ERAP2: variants seen among roughly 807,000 people sequenced by gnomAD.
The protein encoded by ERAP2 is endoplasmic reticulum aminopeptidase 2.
Under a neutral mutation model 111.1 loss-of-function variants are expected in ERAP2, and 118 were observed. The ratio of observed to expected loss-of-function variants is 1.06; its 90% CI spans 0.92 to 1.24. The LOEUF (loss-of-function observed/expected upper bound fraction) is 1.24. Ranked by LOEUF, ERAP2 falls within the 50% of genes most tolerant of loss-of-function variation. ERAP2 has a pLI of 0.00. For missense variants in ERAP2, 1,131 were observed against 1,125.8 expected, an observed-to-expected ratio of 1.00 and a Z score of -0.07; for synonymous variants, 410 against 401.2, an observed-to-expected ratio of 1.02 and a Z score of -0.26.
rs1356278910 is a variant in ERAP2 at position 96,886,655 on chromosome 5, G to A, written c.715G>A (p.Val239Ile). 3 of 1,512,130 alleles carry A rather than the reference G, an allele frequency of 2.0e-6. No individual in the cohort carries two copies. Among genetic ancestry groups the A allele is most frequent in the Admixed American group, 1.8e-5 (1 of 56,082 alleles). The allele number at this position is 1,512,130 out of a possible 1,614,324, so 93.7% of individuals were successfully genotyped here. A position where few individuals can be genotyped will look rare whatever the true frequency, so the allele number is the denominator to read the frequency against. ...RHIALSNMPK[V>I]KTIELEGGLL... ...TGATTATTCCTTTTCCTTTCTGTAGGTTAAGACAATTGAACTTGAAGGAGG... is the reference window on the plus strand; with the variant it reads ...TGATTATTCCTTTTCCTTTCTGTAGATTAAGACAATTGAACTTGAAGGAGG... The change falls in exon 4 of 19, where the codon GTT becomes ATT. Residue 239 changes from valine (V) to isoleucine (I), a missense_variant and splice_region_variant. Around this residue, in one of 3 missense-constraint regions of ERAP2, gnomAD observed 847 missense variants for 856.5 expected, o/e 0.99. Transcript: ENST00000437043.
At chr5:96,900,407 C>T (rs935066316) in intron 10 of ERAP2, among the ~76,000 whole-genome samples, 1 of 152,158 alleles carries the variant, frequency 6.6e-6, no homozygotes, top group Non-Finnish European at 1.5e-5. Flanking sequence ...GTTCGGCTTT[C>T]CCACAACCCC....
Position 96,892,207 on chromosome 5 carries a change from C to G in ERAP2, c.971-92C>G, listed in dbSNP as rs1434866320. 9 of 1,317,974 alleles carry G rather than the reference C, an allele frequency of 6.8e-6. No individual in the cohort carries two copies. In the East Asian group the frequency reaches 1.9e-4, roughly 27 times the overall value. The allele number at this position is 1,317,974 out of a possible 1,614,324, so 81.6% of individuals were successfully genotyped here. A position where few individuals can be genotyped will look rare whatever the true frequency, so the allele number is the denominator to read the frequency against. ...TTTTCAAAAAGTCTGCTTAAATATGCTTAAAGGATCATAGTGTATTTGAGC... is the reference window on the plus strand; with the variant it reads ...TTTTCAAAAAGTCTGCTTAAATATGGTTAAAGGATCATAGTGTATTTGAGC... On this transcript the variant is annotated intron_variant, in intron 5 of 18. Transcript: ENST00000437043.
Position 96,900,081 on chromosome 5 carries a change from G to C in ERAP2, c.1504-40G>C, listed in dbSNP as rs113971353. The C allele has an allele frequency of 2.5e-5, 40 of 1,612,206 alleles. No homozygotes were observed. In the African/African-American group the frequency reaches 5.3e-4, roughly 22 times the overall value. On this transcript the variant is annotated intron_variant, in intron 9 of 18. Coordinates refer to ENST00000437043, the MANE Select transcript of ERAP2 (RefSeq NM_022350.5). Reference sequence around the variant, plus strand: ...TAATGTGCACGTTCAGCCAACTAATGATGCCTACATTGCAGTGCTCTTTTG... The same window carrying C: ...TAATGTGCACGTTCAGCCAACTAATCATGCCTACATTGCAGTGCTCTTTTG...
chr5:96,876,971 T>C (rs1180462720), intron 1 of ERAP2, among the ~76,000 whole-genome samples: 1 of 151,954 alleles, frequency 6.6e-6, no homozygotes, highest in Non-Finnish European at 1.5e-5. Context: ...TTAATTTATG[T>C]ATTTATTTAT....
intron 13 of ERAP2, among the ~76,000 whole-genome samples, 189 bp from the exon 14 acceptor site, chr5:96,908,772 T>C (rs576010580): frequency 6.6e-6 from 1 of 152,278 alleles, no homozygotes; most frequent in African/African-American, 2.4e-5. Flanking sequence ...AGGCAATAGG[T>C]CCAGAGAGGT....
At chr5:96,907,603 C>T (rs906974375) in intron 13 of ERAP2, among the ~76,000 whole-genome samples, 2 of 150,914 alleles carry the variant, frequency 1.3e-5, no homozygotes, top group East Asian at 1.9e-4. Context: ...GCAGACTAGC[C>T]GGGCCAGGTG....
chr5:96,888,606 G>A (rs553972539), intron 4 of ERAP2, among the ~76,000 whole-genome samples: 2 of 152,290 alleles, frequency 1.3e-5, no homozygotes, highest in African/African-American at 2.4e-5. Context: ...ATAAAAGTGG[G>A]TCATGAAATA....
chr5:96,909,770 T>G lies in ERAP2; in HGVS notation c.2354+6T>G. 6.2e-7 allele frequency: 1 copy of G among 1,613,350 alleles called. No homozygotes were observed. Among genetic ancestry groups the G allele is most frequent in the Non-Finnish European group, 8.5e-7 (1 of 1,179,402 alleles). ...GAATCCAGTGGAAAATTAAAGTAGATGTAGACTTCTGTCCTACCCTTTGTT... is the reference window on the plus strand; with the variant it reads ...GAATCCAGTGGAAAATTAAAGTAGAGGTAGACTTCTGTCCTACCCTTTGTT... On this transcript the variant is annotated splice_donor_region_variant and intron_variant, in intron 15 of 18. Transcript: ENST00000437043.
intron 9 of ERAP2, among the ~76,000 whole-genome samples, chr5:96,897,074 G>C (rs1784954448): frequency 7.4e-6 from 1 of 134,862 alleles, no homozygotes; most frequent in South Asian, 2.5e-4. Context: ...CTCACTATTT[G>C]ACCTGACTTT....
chr5:96,894,146 C>G (rs759646931), intron 6 of ERAP2, among the ~76,000 whole-genome samples: 6 of 152,184 alleles, frequency 3.9e-5, no homozygotes, highest in Non-Finnish European at 7.3e-5. Context: ...GTATTTCTAA[C>G]ATATGGCATG....
In ERAP2 at chr5:96,879,825, C is replaced by G; in HGVS notation, c.140C>G (p.Thr47Ser). ...QFSVPSSYHFTEDPGAFPVAT... is the reference protein window; with the variant it reads ...QFSVPSSYHFSEDPGAFPVAT... The stretch of plus-strand genomic sequence containing the variant: ...TCAGTGCCATCTAGTTATCACTTCA[C>G]TGAGGATCCTGGGGCTTTCCCAGTA... The change falls in exon 2 of 19, where the codon ACT (threonine) becomes AGT (serine). Residue 47 changes from threonine (T) to serine (S), a missense_variant. Physicochemically the swap from Thr to Ser is moderately conservative, Grantham distance 58. Transcript: ENST00000437043. The G allele has an allele frequency of 1.9e-6, 3 of 1,614,176 alleles. No homozygotes were observed. The highest frequency in any genetic ancestry group is 2.5e-6 in the Non-Finnish European group (3 of 1,180,026).
In ERAP2 at chr5:96,883,083, A is replaced by T. The variant is rs911458710; in HGVS notation, c.576-709A>T. Among the ~76,000 whole-genome samples the T allele has an allele frequency of 3.9e-5, 6 of 152,320 alleles. No individual in the cohort carries two copies. The South Asian group carries it at 8.3e-4, about 21-fold the overall frequency. On this transcript the variant is annotated intron_variant, in intron 2 of 18. Transcript: ENST00000437043. ...GTGGCAAGCAGAGAGAACTAGAAGT[A>T]CCTGGGGGCACAGGTGCCACAGACA...
chr5:96,894,921 A>G (rs2151157397), intron 6 of ERAP2, among the ~76,000 whole-genome samples: 1 of 152,298 alleles, frequency 6.6e-6, no homozygotes, highest in South Asian at 2.1e-4. Flanking sequence ...AAAGAAAAAA[A>G]CTACCTCCAT....
chr5:96,886,725 A>G lies in ERAP2; in HGVS notation c.785A>G (p.Tyr262Cys). The part of the protein sequence containing the change: ...HFETTVKMST[Y>C]LVAYIVCDFH... ...GAAACTACTGTAAAAATGAGTACATACCTTGTAGCCTACATAGTTTGTGAT... is the reference window on the plus strand; with the variant it reads ...GAAACTACTGTAAAAATGAGTACATGCCTTGTAGCCTACATAGTTTGTGAT... The change falls in exon 4 of 19, where the codon TAC becomes TGC. Residue 262 changes from tyrosine (Y) to cysteine (C), a missense_variant. Physicochemically the swap from Tyr to Cys is radical, Grantham distance 194. Around this residue, in one of 3 missense-constraint regions of ERAP2, gnomAD observed 847 missense variants for 856.5 expected, o/e 0.99. Transcript: ENST00000437043. The G allele has an allele frequency of 6.4e-7, 1 of 1,551,504 alleles. No homozygotes were observed. The highest frequency in any genetic ancestry group is 8.8e-7 in the Non-Finnish European group (1 of 1,137,146).
intron 13 of ERAP2, among the ~76,000 whole-genome samples, chr5:96,905,334 A>G: frequency 6.6e-6 from 1 of 152,230 alleles, no homozygotes; most frequent in East Asian, 1.9e-4. Flanking sequence ...AATTATTTCA[A>G]AATGCTATTG....
chr5:96,906,570 G>T (rs921630889), intron 13 of ERAP2, among the ~76,000 whole-genome samples: 1 of 152,208 alleles, frequency 6.6e-6, no homozygotes, highest in Non-Finnish European at 1.5e-5. Context: ...ACCCAGAATG[G>T]AGAGAGAATT....
intron 3 of ERAP2, among the ~76,000 whole-genome samples, chr5:96,884,554 T>TG (rs1783525714): frequency 8.2e-6 from 1 of 121,750 alleles, no homozygotes; most frequent in Non-Finnish European, 1.8e-5. Flanking sequence ...TTATACAAGT[T>TG]TTTTGTTTGT....
At chr5:96,900,423 T>G (rs961250413) in intron 10 of ERAP2, among the ~76,000 whole-genome samples, 1 of 152,198 alleles carries the variant, frequency 6.6e-6, no homozygotes, top group Non-Finnish European at 1.5e-5. Context: ...ACCCCACTGC[T>G]AGCTAAAAAT....
At position 96,912,774 on chromosome 5, in the gene ERAP2, G is replaced by A; in HGVS notation, c.2492G>A (p.Ser831Asn). The A allele has an allele frequency of 6.2e-7, 1 of 1,601,478 alleles. No homozygotes were observed. The highest frequency in any genetic ancestry group is 1.7e-4 in the Middle Eastern group (1 of 6,038). Residue 831 changes from serine (S) to asparagine (N), a missense_variant, in exon 16 of 19, where the codon AGC (serine) becomes AAC (asparagine). Physicochemically the swap from Ser to Asn is conservative, Grantham distance 46. Transcript: ENST00000437043. The part of the protein sequence containing the change: ...QNKILYALST[S>N]KHQEKLLKLI... ...AAAATTCTGTATGCTTTGTCAACGA[G>A]CAAGCATCAGGAAAAGTTACTGAAG...
Sources: gnomAD v4.1 joint callset for allele counts (sites outside exome capture counted in the v4.1 genomes callset) on GRCh38, gnomAD v4.1.1 for gene constraint, gnomAD v4.1.1 regional missense constraint, MANE v1.5 for transcripts, NCBI Gene and HGNC (gene_info 2026-07-23, HGNC 2026-07-21) for gene names.